Variants in RLF observed in about 807,000 individuals in gnomAD.
RLF encodes RLF zinc finger.
Under a neutral mutation model 162.9 loss-of-function variants are expected in RLF, and 7 were observed. The ratio of observed to expected loss-of-function variants is 0.04; its 90% CI spans 0.02 to 0.08. The LOEUF (loss-of-function observed/expected upper bound fraction) is 0.08. Among genes scored for constraint, RLF ranks in the 10% least tolerant of loss-of-function variants. The probability of loss-of-function intolerance (pLI) is 1.00; values close to 1 mark genes in which losing one functional copy is unlikely to be tolerated. For synonymous variants in RLF, 782 were observed against 791.5 expected, an observed-to-expected ratio of 0.99 and a Z score of 0.20; for missense variants, 1,664 against 2,244.7, an observed-to-expected ratio of 0.74 and a Z score of 5.23.
At chr1:40,173,355 T>G (rs1381296420) in intron 1 of RLF, among the ~76,000 whole-genome samples, 3 of 151,948 alleles carry the variant, frequency 2.0e-5, no homozygotes, top group African/African-American at 7.3e-5. Flanking sequence ...GGATTACAGG[T>G]ATGAGCCACC....
chr1:40,185,844 A>AAAAAG (rs1642472389), intron 1 of RLF, among the ~76,000 whole-genome samples: 2 of 12,812 alleles, frequency 1.6e-4, no homozygotes, highest in Non-Finnish European at 3.1e-4. Flanking sequence ...AAAAAAAAGC[A>AAAAAG]AAAAAAAAAA....
In RLF at chr1:40,237,536, T is replaced by A. The variant is rs569315881; in HGVS notation, c.2834T>A (p.Met945Lys). Residue 945 changes from methionine (M) to lysine (K), a missense_variant, in exon 8 of 8, where the codon ATG (methionine) becomes AAG (lysine). Physicochemically the swap from Met to Lys is moderately conservative, Grantham distance 95. Coordinates refer to ENST00000372771, the MANE Select transcript of RLF (RefSeq NM_012421.4). The surrounding 1 kb of genome is among the most constrained non-coding windows in gnomAD (Gnocchi z 4.4). The stretch of plus-strand genomic sequence containing the variant: ...AGTTTAAAAGAAAAATGTTCCAGTA[T>A]GGCAGTTTGTTTTGACGGGACTAAG... ...PSSLKEKCSS[M>K]AVCFDGTKFT... The A allele has an allele frequency of 1.2e-6, 2 of 1,614,046 alleles. No homozygotes were observed. Among genetic ancestry groups the A allele is most frequent in the African/African-American group, 1.3e-5 (1 of 74,934 alleles).
chr1:40,173,795 G>A (rs1352325923), intron 1 of RLF, among the ~76,000 whole-genome samples: 1 of 152,096 alleles, frequency 6.6e-6, no homozygotes, highest in Non-Finnish European at 1.5e-5. Context: ...GATTATAGCC[G>A]TGAGCCACCG....
rs550309097 is a variant in RLF, at chr1:40,172,454, G to T, written c.237+10818G>T. ...GAACTTCCTTAAATATTAAGTGCTG[G>T]TTATTTCTATCTATAATATAAATTC... On this transcript the variant is annotated intron_variant, in intron 1 of 7. Transcript: ENST00000372771. 2.6e-5 allele frequency among the ~76,000 whole-genome samples: 4 copies of T among 152,236 alleles called. No individual in the cohort carries two copies. The South Asian group carries it at 8.3e-4, about 32-fold the overall frequency.
At chr1:40,215,102 T>C (rs749514294) in intron 5 of RLF, among the ~76,000 whole-genome samples, 11 of 151,950 alleles carry the variant, frequency 7.2e-5, no homozygotes, top group Non-Finnish European at 1.5e-4. Flanking sequence ...GAAGAAAGAA[T>C]CAGCAAACTT....
chr1:40,199,755 TA>T (rs1642686443), intron 4 of RLF, among the ~76,000 whole-genome samples: 1 of 152,080 alleles, frequency 6.6e-6, no homozygotes, highest in African/African-American at 2.4e-5. Context: ...ATATGGCAGG[TA>T]AATAGAGCAG....
At chr1:40,234,749 G>GAC (rs1643196211) in intron 7 of RLF, among the ~76,000 whole-genome samples, 2 of 152,194 alleles carry the variant, frequency 1.3e-5, no homozygotes, top group Non-Finnish European at 2.9e-5. Context: ...AAGCCACTCT[G>GAC]ACATATCTTG....
intron 4 of RLF, among the ~76,000 whole-genome samples, chr1:40,198,849 A>G (rs1435597103): frequency 6.6e-6 from 1 of 152,222 alleles, no homozygotes; most frequent in African/African-American, 2.4e-5. Context: ...GGAGTGAGAC[A>G]TATTGTTTTA....
At chr1:40,180,854 C>G (rs534003520) in intron 1 of RLF, among the ~76,000 whole-genome samples, 1 of 152,246 alleles carries the variant, frequency 6.6e-6, no homozygotes, top group Admixed American at 6.5e-5. Context: ...TTTTTACTCT[C>G]TTGATAGTGT....
At chr1:40,215,621 C>T (rs1455531498) in intron 5 of RLF, among the ~76,000 whole-genome samples, 1 of 151,954 alleles carries the variant, frequency 6.6e-6, no homozygotes, top group African/African-American at 2.4e-5. Context: ...CACTCTGTCC[C>T]TCAGACTGGA....
chr1:40,235,756 C>CA (rs748427076), intron 7 of RLF, 36 bp from the exon 8 acceptor site: 18 of 1,429,616 alleles, frequency 1.3e-5, no homozygotes, highest in Admixed American at 2.6e-5. Flanking sequence ...TTTCTGTATG[C>CA]AAAAAAATAA....
rs33982008 is a variant in RLF at position 40,185,843 on chromosome 1, C to CAA, written c.238-3191_238-3190dup. On this transcript the variant is annotated intron_variant, in intron 1 of 7. Transcript: ENST00000372771. ...GACTGTCTCAAAAAAAAAAAAAAAG[C>CAA]AAAAAAAAAAAAAAAAAAAAAACCA... Among the ~76,000 whole-genome samples, 434 of 67,508 alleles carry CAA rather than the reference C, an allele frequency of 6.4e-3. 2 individuals are homozygous for CAA. Among genetic ancestry groups the CAA allele is most frequent in the African/African-American group, 0.02 (341 of 17,320 alleles). 44.3% of individuals were successfully genotyped at this position (67,508 alleles called of 152,430 possible). A position where few individuals can be genotyped will look rare whatever the true frequency, so the allele number is the denominator to read the frequency against.
intron 1 of RLF, among the ~76,000 whole-genome samples, chr1:40,182,612 A>C (rs1271449211): frequency 1.3e-5 from 2 of 152,192 alleles, no homozygotes; most frequent in African/African-American, 4.8e-5. Context: ...TGAAAATTGA[A>C]AATGAAATAA....
chr1:40,204,376 C>T (rs929226066), intron 5 of RLF, among the ~76,000 whole-genome samples: 1 of 151,880 alleles, frequency 6.6e-6, no homozygotes, highest in African/African-American at 2.4e-5. Context: ...CCTAAATCTT[C>T]ACCTACTCTA....
chr1:40,215,004 A>G (rs138588640), intron 5 of RLF, among the ~76,000 whole-genome samples: 1,932 of 151,752 alleles, frequency 0.013, 43 homozygotes, highest in African/African-American at 0.044. Flanking sequence ...GACAAATTAT[A>G]AAAAACCAAA....
At chr1:40,230,266 G>T (rs1459854950) in intron 6 of RLF, among the ~76,000 whole-genome samples, 4 of 152,186 alleles carry the variant, frequency 2.6e-5, no homozygotes, top group African/African-American at 9.7e-5. Context: ...CTTTCTGGGA[G>T]ACAGTCTGTG....
chr1:40,221,487 A>T (rs1419126574), intron 5 of RLF, among the ~76,000 whole-genome samples: 6 of 152,090 alleles, frequency 3.9e-5, no homozygotes, highest in Non-Finnish European at 8.8e-5. Flanking sequence ...GCTGAGCTTT[A>T]AAAAAAGCCT....
chr1:40,167,767 C>T (rs1642187009), intron 1 of RLF, among the ~76,000 whole-genome samples: 1 of 150,394 alleles, frequency 6.6e-6, no homozygotes, highest in Non-Finnish European at 1.5e-5. Context: ...GATGTAAGTG[C>T]CATGAAGGTG....
At chr1:40,226,635 G>T (rs1271577642) in intron 6 of RLF, among the ~76,000 whole-genome samples, 1 of 152,130 alleles carries the variant, frequency 6.6e-6, no homozygotes, top group African/African-American at 2.4e-5. Flanking sequence ...TTGTATGGGA[G>T]AGAAAAGAGG....
Sources: allele counts gnomAD v4.1 joint callset (sites outside exome capture counted in the v4.1 genomes callset), GRCh38; gene constraint gnomAD v4.1.1; non-coding constraint Gnocchi (gnomAD v3.1); transcripts MANE v1.5; gene names NCBI Gene and HGNC (gene_info 2026-07-23, HGNC 2026-07-21).